Variants in LINGO1 observed in about 807,000 individuals in gnomAD.
LINGO1 encodes leucine rich repeat and Ig domain containing 1.
Under a neutral mutation model 37.3 loss-of-function variants are expected in LINGO1, and 11 were observed. The ratio of observed to expected loss-of-function variants is 0.29; its 90% CI spans 0.19 to 0.49. The LOEUF is 0.49. LINGO1 is among the 20% of genes least tolerant of loss of function. The pLI is 0.99. For missense variants in LINGO1, 585 were observed against 878.2 expected (o/e 0.67, Z 4.22); for synonymous variants, 387 against 403.0 (o/e 0.96, Z 0.48).
At chr15:77,818,631 A>G (rs1056382762) in intron 1 of LINGO1, among the ~76,000 whole-genome samples, 2 of 152,022 alleles carry the variant, frequency 1.3e-5, no homozygotes, top group Non-Finnish European at 2.9e-5. Flanking sequence ...ACACACACAT[A>G]CACGCCCGGG....
At chr15:77,659,488 AG>A (rs2074940761) in intron 3 of LINGO1, among the ~76,000 whole-genome samples, 2 of 152,182 alleles carry the variant, frequency 1.3e-5, no homozygotes, top group Non-Finnish European at 2.9e-5. Flanking sequence ...TGGATCCTTA[AG>A]GCCATCTGAC....
At chr15:77,749,181 T>C (rs952359708) in intron 1 of LINGO1, among the ~76,000 whole-genome samples, 7 of 152,086 alleles carry the variant, frequency 4.6e-5, no homozygotes, top group Non-Finnish European at 1.0e-4. Flanking sequence ...GTGCTGGGAT[T>C]ACAGGGGTGA....
At chr15:77,748,683 T>C (rs1182925194) in intron 1 of LINGO1, among the ~76,000 whole-genome samples, 1 of 151,962 alleles carries the variant, frequency 6.6e-6, no homozygotes, top group Non-Finnish European at 1.5e-5. Context: ...AATTTCTTTT[T>C]TTTTCTTTTT....
At chr15:77,751,745 C>T (rs2141367604) in intron 1 of LINGO1, among the ~76,000 whole-genome samples, 1 of 152,334 alleles carries the variant, frequency 6.6e-6, no homozygotes, top group South Asian at 2.1e-4. Flanking sequence ...CCCACTGCCT[C>T]CCAGTCCCTG....
intron 2 of LINGO1, among the ~76,000 whole-genome samples, chr15:77,723,937 G>A (rs1002132448): frequency 5.9e-5 from 9 of 152,200 alleles, no homozygotes; most frequent in Admixed American, 2.6e-4. Context: ...CTCAGGCGTT[G>A]TGATATTTTT....
At chr15:77,767,288 T>C (rs2076539884) in intron 1 of LINGO1, among the ~76,000 whole-genome samples, 1 of 152,178 alleles carries the variant, frequency 6.6e-6, no homozygotes, top group Non-Finnish European at 1.5e-5. Flanking sequence ...GCAATGACTT[T>C]AGAGAGAGGG....
intron 1 of LINGO1, among the ~76,000 whole-genome samples, chr15:77,786,551 C>T (rs2076772841): frequency 6.6e-6 from 1 of 152,200 alleles, no homozygotes; most frequent in Non-Finnish European, 1.5e-5. Flanking sequence ...ACACAGACGG[C>T]CTCGGCTGCA....
At chr15:77,666,113 T>A (rs1220609414) in intron 3 of LINGO1, among the ~76,000 whole-genome samples, 1 of 150,314 alleles carries the variant, frequency 6.7e-6, no homozygotes, top group Non-Finnish European at 1.5e-5. Context: ...GTTGGCTGAA[T>A]GAATGAATGA....
intron 1 of LINGO1, among the ~76,000 whole-genome samples, chr15:77,804,712 TG>T (rs2076946052): frequency 6.6e-6 from 1 of 152,144 alleles, no homozygotes; most frequent in East Asian, 1.9e-4. Flanking sequence ...CACCCAGCAG[TG>T]GCCTGAGGCC....
chr15:77,767,793 T>C (rs1356476366), intron 1 of LINGO1, among the ~76,000 whole-genome samples: 1 of 152,022 alleles, frequency 6.6e-6, no homozygotes, highest in Non-Finnish European at 1.5e-5. Flanking sequence ...AACCGAGTTG[T>C]GAAGAAAGGA....
intron 1 of LINGO1, among the ~76,000 whole-genome samples, chr15:77,776,898 A>C (rs1203755075): frequency 1.3e-5 from 2 of 152,230 alleles, no homozygotes; most frequent in African/African-American, 2.4e-5. Context: ...ACACTGAGGC[A>C]TAGCCAAGGC....
chr15:77,801,305 C>T (rs1477981462), intron 1 of LINGO1, among the ~76,000 whole-genome samples: 1 of 152,214 alleles, frequency 6.6e-6, no homozygotes, highest in African/African-American at 2.4e-5. Flanking sequence ...TAAAATATAG[C>T]ATGTCCACAC....
At chr15:77,814,083 C>T (rs932841452) in intron 1 of LINGO1, among the ~76,000 whole-genome samples, 5 of 152,162 alleles carry the variant, frequency 3.3e-5, no homozygotes, top group African/African-American at 1.2e-4. Flanking sequence ...CTCATTCCAG[C>T]CCCAGCTGAG....
At chr15:77,694,190 A>G (rs2075651675) in intron 1 of LINGO1, among the ~76,000 whole-genome samples, 1 of 152,150 alleles carries the variant, frequency 6.6e-6, no homozygotes, top group Non-Finnish European at 1.5e-5. Context: ...ACAGAGAGTC[A>G]AGGGAAGGCA....
intron 3 of LINGO1, among the ~76,000 whole-genome samples, chr15:77,650,434 A>C (rs1328624519): frequency 1.3e-5 from 2 of 152,246 alleles, no homozygotes; most frequent in Non-Finnish European, 2.9e-5. Context: ...CATGCAGGGA[A>C]GACTAGCAGA....
upstream of LINGO1, among the ~76,000 whole-genome samples, chr15:77,697,284 G>A (rs557781809): frequency 9.2e-5 from 14 of 152,310 alleles, no homozygotes; most frequent in South Asian, 2.9e-3. Context: ...AGGTGACAAG[G>A]TTCTGCAGAC....
At chr15:77,723,033 T>C (rs1002731807) in intron 2 of LINGO1, among the ~76,000 whole-genome samples, 2 of 152,190 alleles carry the variant, frequency 1.3e-5, no homozygotes, top group Admixed American at 6.5e-5. Context: ...ACTTGCAGGC[T>C]CCGTCCCAGC....
At chr15:77,735,775 G>T (rs1336677997) in intron 1 of LINGO1, among the ~76,000 whole-genome samples, 1 of 152,182 alleles carries the variant, frequency 6.6e-6, no homozygotes, top group African/African-American at 2.4e-5. Flanking sequence ...GAGAACTGCT[G>T]GCCTTGAAGA....
At position 77,704,838 on chromosome 15, in the gene LINGO1, G is replaced by T. The variant is rs1172997484; in HGVS notation, c.-194-13937C>A. On this transcript the variant is annotated intron_variant, in intron 2 of 3. Transcript: ENST00000561686. ...TGCATACATACTGAGCCCTGACTGT[G>T]CACACACTGAGCCCTGGTCCCACCC... Among the ~76,000 whole-genome samples the T allele has an allele frequency of 1.3e-5, 2 of 151,754 alleles. 1 individual carries two copies. Among genetic ancestry groups the T allele is most frequent in the Non-Finnish European group, 2.9e-5 (2 of 67,928 alleles).
Sources: gnomAD v4.1 joint callset for allele counts (sites outside exome capture counted in the v4.1 genomes callset) on GRCh38, gnomAD v4.1.1 for gene constraint, MANE v1.5 for transcripts, NCBI Gene and HGNC (gene_info 2026-07-23, HGNC 2026-07-21) for gene names.